GPNMB: variants seen among roughly 807,000 people sequenced by gnomAD.
GPNMB encodes transmembrane glycoprotein NMB.
Under a neutral mutation model 57.3 loss-of-function variants are expected in GPNMB, and 71 were observed. The ratio of observed to expected loss-of-function variants is 1.24; its 90% CI spans 1.02 to 1.51. The LOEUF (loss-of-function observed/expected upper bound fraction) is 1.51. GPNMB is among the 40% of genes most tolerant of loss of function. GPNMB has a pLI of 0.00. For missense variants in GPNMB, 677 were observed against 691.9 expected (o/e 0.98, Z 0.24); for synonymous variants, 253 against 263.2 (o/e 0.96, Z 0.38).
intron 10 of GPNMB, 39 bp from the exon 11 acceptor site, chr7:23,274,026 A>C (rs1355519265): frequency 2.0e-6 from 3 of 1,482,938 alleles, no homozygotes; most frequent in Non-Finnish European, 1.9e-6. Context: ...TTTCAACTGA[A>C]GATCTTTTAA....
intron 9 of GPNMB, 129 bp from the exon 10 acceptor site, chr7:23,273,392 T>C: frequency 1.6e-6 from 1 of 641,640 alleles, no homozygotes; most frequent in Non-Finnish European, 2.8e-6. Flanking sequence ...ATAGAAAAGA[T>C]TACTGAAAGC....
In GPNMB at chr7:23,260,091, G is replaced by A. The variant is rs777510004; in HGVS notation, c.653G>A (p.Arg218Gln). 8.1e-6 allele frequency: 13 copies of A among 1,613,830 alleles called. No individual in the cohort carries two copies. Among genetic ancestry groups the A allele is most frequent in the Middle Eastern group, 1.6e-4 (1 of 6,080 alleles). ...GTGACTGTCTACAGAAGACATGGAC[G>A]GGCATATGTTCCCATCGCACAAGTG... ...MEVTVYRRHG[R>Q]AYVPIAQVKD... is the part of the protein sequence containing the mutation. The change falls in exon 5 of 11, where the codon CGG (arginine) becomes CAG (glutamine). Residue 218 changes from arginine (R) to glutamine (Q), a missense_variant. Physicochemically the swap from Arg to Gln is conservative, Grantham distance 43 (BLOSUM62 1). Transcript: ENST00000258733.
At chr7:23,262,658 AC>A (rs1408111677) in intron 6 of GPNMB, among the ~76,000 whole-genome samples, 2 of 117,944 alleles carry the variant, frequency 1.7e-5, no homozygotes, top group East Asian at 2.5e-4. Flanking sequence ...TTGCTCTAAC[AC>A]CCAGGCTGGA....
chr7:23,255,318 G>C (rs975472434), intron 3 of GPNMB, among the ~76,000 whole-genome samples: 1 of 152,160 alleles, frequency 6.6e-6, no homozygotes, highest in Non-Finnish European at 1.5e-5. Flanking sequence ...CGCCCAGTCA[G>C]CATTTGTCTT....
rs763770328 is a variant in GPNMB, at chr7:23,246,840, C to A, written c.-18C>A. ...TTCAGAGTTAAACCTTGAGTGCCTGCGTCCGTGAGAATTCAGCATGGAATG... is the reference window on the plus strand; with the variant it reads ...TTCAGAGTTAAACCTTGAGTGCCTGAGTCCGTGAGAATTCAGCATGGAATG... On this transcript the variant is annotated 5_prime_UTR_variant, in exon 1 of 11. Transcript: ENST00000258733. The A allele has an allele frequency of 2.5e-6, 4 of 1,603,384 alleles. No homozygotes were observed. The highest frequency in any genetic ancestry group is 2.2e-5 in the South Asian group (2 of 90,872).
chr7:23,261,857 T>A (rs1027576196), intron 6 of GPNMB, among the ~76,000 whole-genome samples: 6 of 152,206 alleles, frequency 3.9e-5, no homozygotes, highest in African/African-American at 9.6e-5. Context: ...CCACCCTATA[T>A]TAATAGTCTG....
intron 1 of GPNMB, among the ~76,000 whole-genome samples, chr7:23,250,413 C>G (rs1332425873): frequency 1.3e-5 from 2 of 152,156 alleles, no homozygotes; most frequent in Non-Finnish European, 1.5e-5. Flanking sequence ...TATCTTCCCT[C>G]CATTGGCTTG....
chr7:23,257,979 A>G (rs1242427852), intron 4 of GPNMB: 1 of 152,162 alleles, frequency 6.6e-6, no homozygotes, highest in Non-Finnish European at 1.5e-5. Context: ...TAATTTTTAT[A>G]CATTGTTTTA....
intron 1 of GPNMB, among the ~76,000 whole-genome samples, chr7:23,250,183 T>G (rs1782629247): frequency 6.6e-6 from 1 of 152,244 alleles, no homozygotes; most frequent in African/African-American, 2.4e-5. Context: ...AGTCCTTTAT[T>G]GGAAGTGTAG....
At chr7:23,257,366 C>T (rs1782806897) in intron 4 of GPNMB, 2 of 560,062 alleles carry the variant, frequency 3.6e-6, no homozygotes, top group South Asian at 2.2e-5. Context: ...AATGCTAACA[C>T]TTATTTATTT....
In GPNMB at chr7:23,260,642, A is replaced by G. The variant is rs1322814561; in HGVS notation, c.887A>G (p.Asn296Ser). ...AATACTGGCCTGTTTGTTTCCACCA[A>G]TCATACTGTGAATCACACGTATGTG... ...GDNTGLFVST[N>S]HTVNHTYVLN... The change falls in exon 6 of 11, where the codon AAT (asparagine) becomes AGT (serine). Residue 296 changes from asparagine (N) to serine (S), a missense_variant. Coordinates refer to ENST00000258733, the MANE Select transcript of GPNMB (RefSeq NM_002510.3). The G allele has an allele frequency of 3.0e-5, 49 of 1,613,876 alleles. No individual in the cohort carries two copies. Among genetic ancestry groups the G allele is most frequent in the Non-Finnish European group, 3.6e-5 (42 of 1,179,900 alleles).
chr7:23,274,435 C>CA lies in GPNMB; in HGVS notation c.*213dup, dbSNP rs1158799575. ...AGCCATGTTGTGAAACTGATAAAAG[C>CA]AACTTAGCAAGGCTTCTTTTCATTA... On this transcript the variant is annotated 3_prime_UTR_variant, in exon 11 of 11. Coordinates refer to ENST00000258733, the MANE Select transcript of GPNMB (RefSeq NM_002510.3). 2 of 453,764 alleles carry CA rather than the reference C, an allele frequency of 4.4e-6. No homozygotes were observed. Among genetic ancestry groups the CA allele is most frequent in the Admixed American group, 3.9e-5 (1 of 25,328 alleles). The allele number at this position is 453,764 out of a possible 1,614,324, so 28.1% of individuals were successfully genotyped here.
chr7:23,266,844 C>T (rs971651276), intron 7 of GPNMB, among the ~76,000 whole-genome samples: 4 of 152,214 alleles, frequency 2.6e-5, no homozygotes, highest in Non-Finnish European at 4.4e-5. Context: ...CTGTGAAGGC[C>T]GCATGCTAAT....
At position 23,254,345 on chromosome 7, in the gene GPNMB, G is replaced by A. The variant is rs927225929; in HGVS notation, c.367+33G>A. 2.5e-6 allele frequency: 4 copies of A among 1,581,732 alleles called. No individual in the cohort carries two copies. The South Asian group carries it at 4.5e-5, about 18-fold the overall frequency. On this transcript the variant is annotated intron_variant, in intron 3 of 10. Coordinates refer to ENST00000258733, the MANE Select transcript of GPNMB (RefSeq NM_002510.3). ...CACAGTATTCTCCTAAACTACTGGA[G>A]ACCCAGTTTCTAAACCTTAATGATC...
chr7:23,267,704 G>T (rs1190742083), intron 7 of GPNMB, among the ~76,000 whole-genome samples, 182 bp from the exon 8 acceptor site: 1 of 152,098 alleles, frequency 6.6e-6, no homozygotes, highest in African/African-American at 2.4e-5. Flanking sequence ...CACACATGAA[G>T]GCTTCACCCT....
chr7:23,256,051 C>A (rs531628790), intron 3 of GPNMB, among the ~76,000 whole-genome samples: 1 of 152,174 alleles, frequency 6.6e-6, no homozygotes, highest in African/African-American at 2.4e-5. Context: ...GGATTATAGG[C>A]GCATGCAGCA....
intron 9 of GPNMB, among the ~76,000 whole-genome samples, chr7:23,272,844 A>ATTTTTTTTTTTTTTTTTTTTTTTTT (rs1783241981): frequency 6.9e-6 from 1 of 144,154 alleles, no homozygotes; most frequent in African/African-American, 2.9e-5. Flanking sequence ...AAAGGTGGTG[A>ATTTTTTTTTTTTTTTTTTTTTTTTT]TCTTTTTTTT....
chr7:23,272,258 A>G (rs75687182), intron 9 of GPNMB, among the ~76,000 whole-genome samples: 3,078 of 152,318 alleles, frequency 0.02, 100 homozygotes, highest in East Asian at 0.12. Flanking sequence ...TGTTTTAGAC[A>G]TTTGCTTTCC....
At chr7:23,266,455 ATCACAT>A in intron 6 of GPNMB, 56 bp from the exon 7 acceptor site, 1 of 1,555,210 alleles carries the variant, frequency 6.4e-7, no homozygotes, top group East Asian at 2.2e-5. Flanking sequence ...TTTTTATTAT[ATCACAT>A]GTATCTTTTA....
Sources: gnomAD v4.1 joint callset for allele counts (sites outside exome capture counted in the v4.1 genomes callset) on GRCh38, gnomAD v4.1.1 for gene constraint, MANE v1.5 for transcripts, NCBI Gene and HGNC (gene_info 2026-07-23, HGNC 2026-07-21) for gene names.